The following RASSF2 variants were observed in gnomAD, a reference collection of about 807,000 sequenced individuals.
The protein encoded by RASSF2 is ras association domain-containing protein 2.
Under a neutral mutation model 46.3 loss-of-function variants are expected in RASSF2, and 34 were observed. The ratio of observed to expected loss-of-function variants is 0.73; its 90% confidence interval spans 0.56 to 0.98. The LOEUF (loss-of-function observed/expected upper bound fraction) is 0.98. Ranked by LOEUF, RASSF2 falls within the 50% of genes least tolerant of loss-of-function variation. RASSF2 has a pLI of 0.00. For synonymous variants in RASSF2, 158 were observed against 162.5 expected (o/e 0.97, Z 0.21); for missense variants, 364 against 431.2 (o/e 0.84, Z 1.38).
intron 2 of RASSF2, among the ~76,000 whole-genome samples, chr20:4,814,571 C>T (rs1004446612): frequency 1.4e-4 from 22 of 152,282 alleles, no homozygotes; most frequent in African/African-American, 4.3e-4. Context: ...CCCCAGACCC[C>T]GGCAGGTTCC....
chr20:4,785,076 G>A (rs989916536), intron 11 of RASSF2, among the ~76,000 whole-genome samples: 3 of 149,476 alleles, frequency 2.0e-5, no homozygotes, highest in East Asian at 2.0e-4. Flanking sequence ...CTGAGAGGCC[G>A]AGGAGGGTGG....
At chr20:4,821,121 A>C (rs555190465) in intron 2 of RASSF2, among the ~76,000 whole-genome samples, 1 of 152,118 alleles carries the variant, frequency 6.6e-6, no homozygotes, top group Non-Finnish European at 1.5e-5. Flanking sequence ...GGCACCAGGA[A>C]ATAGACCAAG....
chr20:4,789,794 G>A (rs2422992), intron 7 of RASSF2, 97 bp from the exon 8 acceptor site: 848,976 of 1,006,406 alleles, frequency 0.84, 359,830 homozygotes, highest in East Asian at 0.96. Context: ...ACGATACTCA[G>A]AATGTACTCC....
chr20:4,783,995 G>A lies in RASSF2; in HGVS notation c.*278C>T, dbSNP rs1047493515. The A allele has an allele frequency of 3.2e-5, 14 of 432,296 alleles. 1 individual carries two copies. The highest frequency in any genetic ancestry group is 1.0e-4 in the Admixed American group (3 of 28,756). 26.8% of individuals were successfully genotyped at this position (432,296 alleles called of 1,614,324 possible). A position where few individuals can be genotyped will look rare whatever the true frequency, so the allele number is the denominator to read the frequency against. ...AAGTATCAGGTAGGCACATGGACAC[G>A]TACCATGTGTGCACACACATGTACA... On this transcript the variant is annotated 3_prime_UTR_variant, in exon 12 of 12. Transcript: ENST00000379400.
chr20:4,808,396 A>G (rs1927512754), intron 2 of RASSF2, among the ~76,000 whole-genome samples: 1 of 152,192 alleles, frequency 6.6e-6, no homozygotes, highest in South Asian at 2.1e-4. Context: ...ATCTAGGCAC[A>G]GAACTAAAAC....
intron 2 of RASSF2, among the ~76,000 whole-genome samples, chr20:4,815,437 G>A (rs1228253872): frequency 6.6e-6 from 1 of 152,136 alleles, no homozygotes; most frequent in Non-Finnish European, 1.5e-5. Context: ...GACTCCACCA[G>A]TTAAAGTCCC....
At chr20:4,811,422 AGG>A (rs1927799570) in intron 2 of RASSF2, among the ~76,000 whole-genome samples, 1 of 152,084 alleles carries the variant, frequency 6.6e-6, no homozygotes, top group African/African-American at 2.4e-5. Flanking sequence ...ACTCTAGGGG[AGG>A]GGCCCAGGCA....
At position 4,803,519 on chromosome 20, in the gene RASSF2, C is replaced by T. The variant is rs533561063; in HGVS notation, c.-32-2457G>A. ...CCGTGACTGCAATACTTCATGAAGC[C>T]GAGGCAGGAGGATCATTCGAGGCCA... On this transcript the variant is annotated intron_variant, in intron 2 of 11. Transcript: ENST00000379400. Among the ~76,000 whole-genome samples, 7 of 152,140 alleles carry T rather than the reference C, an allele frequency of 4.6e-5. No individual in the cohort carries two copies. The East Asian group carries it at 1.2e-3, about 25-fold the overall frequency.
At chr20:4,789,324 T>C (rs1422277107) in intron 8 of RASSF2, among the ~76,000 whole-genome samples, 4 of 152,134 alleles carry the variant, frequency 2.6e-5, no homozygotes, top group Non-Finnish European at 5.9e-5. Flanking sequence ...CCCTGCAGGC[T>C]TGTTAGACGG....
At chr20:4,788,601 C>A (rs1391124747) in intron 8 of RASSF2, among the ~76,000 whole-genome samples, 4 of 152,216 alleles carry the variant, frequency 2.6e-5, no homozygotes, top group Non-Finnish European at 4.4e-5. Flanking sequence ...TAGCCTATTG[C>A]TCCTAGTGTA....
At chr20:4,785,276 T>C (rs1005330117) in intron 11 of RASSF2, among the ~76,000 whole-genome samples, 32 of 152,046 alleles carry the variant, frequency 2.1e-4, no homozygotes, top group African/African-American at 7.7e-4. Context: ...GAGGTAGAAG[T>C]TGCAGTGAGC....
intron 1 of RASSF2, among the ~76,000 whole-genome samples, chr20:4,822,794 G>A (rs6037977): frequency 6.6e-6 from 1 of 151,980 alleles, no homozygotes; most frequent in African/African-American, 2.4e-5. Flanking sequence ...CCGCCTCCCC[G>A]CGCCGGGGAC....
At chr20:4,788,645 C>T (rs558610521) in intron 8 of RASSF2, among the ~76,000 whole-genome samples, 15 of 152,130 alleles carry the variant, frequency 9.9e-5, no homozygotes, top group South Asian at 4.1e-4. Flanking sequence ...TACTCAATGC[C>T]GTAAGCACTT....
chr20:4,796,599 A>T (rs983220554), intron 4 of RASSF2, among the ~76,000 whole-genome samples: 4 of 152,210 alleles, frequency 2.6e-5, no homozygotes, highest in Non-Finnish European at 5.9e-5. Flanking sequence ...ACTCTCCAAC[A>T]GGTGAATAAA....
Position 4,782,255 on chromosome 20 carries a change from G to T in RASSF2, c.*2018C>A, listed in dbSNP as rs1255268645. The T allele has an allele frequency of 6.6e-6, 1 of 152,620 alleles. No individual in the cohort carries two copies. Among genetic ancestry groups the T allele is most frequent in the Non-Finnish European group, 1.5e-5 (1 of 68,044 alleles). The allele number at this position is 152,620 out of a possible 1,614,324, so 9.5% of individuals were successfully genotyped here. ...CTAGTGGTTAGTAGTTTGCTTTGTG[G>T]AAATTCTTCTCCCAAGTCCTCCAAG... On this transcript the variant is annotated 3_prime_UTR_variant, in exon 12 of 12. Transcript: ENST00000379400.
intron 8 of RASSF2, among the ~76,000 whole-genome samples, chr20:4,788,832 G>T (rs1925597284): frequency 6.6e-6 from 1 of 152,186 alleles, no homozygotes; most frequent in Non-Finnish European, 1.5e-5. Context: ...ATTGCAATGT[G>T]CCAGGCATAG....
chr20:4,811,671 G>A (rs189261861), intron 2 of RASSF2, among the ~76,000 whole-genome samples: 24 of 152,260 alleles, frequency 1.6e-4, no homozygotes, highest in Non-Finnish European at 2.9e-4. Flanking sequence ...AGAGTGTCCC[G>A]CAGGGTCTAT....
rs946435796 is a variant in RASSF2 at position 4,790,866 on chromosome 20, C to A, written c.377-255G>T. Among the ~76,000 whole-genome samples, 2 of 152,192 alleles carry A rather than the reference C, an allele frequency of 1.3e-5. No individual in the cohort carries two copies. Among genetic ancestry groups the A allele is most frequent in the East Asian group, 1.9e-4 (1 of 5,200 alleles). On this transcript the variant is annotated intron_variant, in intron 6 of 11. Coordinates refer to ENST00000379400, the MANE Select transcript of RASSF2 (RefSeq NM_014737.3). This position sits in a 1 kb window ranked among gnomAD's most constrained non-coding sequence, Gnocchi z 4.3. ...CTCCATGATTGCCATATATCACTAA[C>A]CTCTCTGTGCCTCGGTGCTTTTATA...
At chr20:4,787,023 A>G (rs1420584959) in intron 10 of RASSF2, among the ~76,000 whole-genome samples, 10 of 150,784 alleles carry the variant, frequency 6.6e-5, no homozygotes. Flanking sequence ...GTGCCACTGC[A>G]CTCCAGCCTG....
Sources: allele counts gnomAD v4.1 joint callset (sites outside exome capture counted in the v4.1 genomes callset), GRCh38; gene constraint gnomAD v4.1.1; non-coding constraint Gnocchi (gnomAD v3.1); transcripts MANE v1.5; gene names NCBI Gene and HGNC (gene_info 2026-07-23, HGNC 2026-07-21).